The following MAPK6 variants were observed in gnomAD, a reference collection of about 807,000 sequenced individuals.
MAPK6 encodes ERK-3.
Under a neutral mutation model 59.3 loss-of-function variants are expected in MAPK6, and 19 were observed. The ratio of observed to expected loss-of-function variants is 0.32; its 90% confidence interval spans 0.22 to 0.47. The LOEUF (loss-of-function observed/expected upper bound fraction) is 0.47, where lower values mean the gene tolerates loss of function less well. Ranked by LOEUF, MAPK6 falls within the 20% of genes least tolerant of loss-of-function variation. MAPK6 has a pLI of 1.00. For missense variants in MAPK6, 724 were observed against 847.9 expected (o/e 0.85, Z 1.81); for synonymous variants, 316 against 290.3 (o/e 1.09, Z -0.90).
intron 3 of MAPK6, among the ~76,000 whole-genome samples, chr15:52,054,932 C>T (rs2031915767): frequency 6.6e-6 from 1 of 152,134 alleles, no homozygotes; most frequent in African/African-American, 2.4e-5. Context: ...GGATTACAGG[C>T]ATCTGCCACC....
chr15:51,990,182 A>G (rs879017139), intron 2 of MAPK6, among the ~76,000 whole-genome samples: 2 of 152,242 alleles, frequency 1.3e-5, no homozygotes, highest in Admixed American at 1.3e-4. Flanking sequence ...GACACCTCTG[A>G]GTCAAAGTGT....
chr15:52,011,875 A>T (rs904938504), intron 3 of MAPK6, among the ~76,000 whole-genome samples: 1 of 152,226 alleles, frequency 6.6e-6, no homozygotes, highest in African/African-American at 2.4e-5. Context: ...ATTTTAAATT[A>T]AGAGTATAAA....
At chr15:51,996,254 C>T (rs1483937791) in intron 2 of MAPK6, among the ~76,000 whole-genome samples, 1 of 152,206 alleles carries the variant, frequency 6.6e-6, no homozygotes. Context: ...GGGTCAATAC[C>T]CCCGCCAAGA....
chr15:51,975,773 C>T (rs2057155494), intron 1 of MAPK6, among the ~76,000 whole-genome samples: 1 of 151,578 alleles, frequency 6.6e-6, no homozygotes, highest in Non-Finnish European at 1.5e-5. Context: ...ACAGGCTGAT[C>T]TGAATTAAAG....
At chr15:52,043,617 C>T (rs529554189) in intron 1 of MAPK6, among the ~76,000 whole-genome samples, 1 of 150,912 alleles carries the variant, frequency 6.6e-6, no homozygotes, top group African/African-American at 2.4e-5. Flanking sequence ...ATTTTTATTA[C>T]TTATTTCCAC....
Position 52,050,557 on chromosome 15 carries a change from A to C in MAPK6, c.700+420A>C, listed in dbSNP as rs2031744598. 3.3e-5 allele frequency among the ~76,000 whole-genome samples: 5 copies of C among 152,358 alleles called. No homozygotes were observed. The South Asian group carries it at 1.0e-3, about 32-fold the overall frequency. On this transcript the variant is annotated intron_variant, in intron 3 of 5. Transcript: ENST00000261845. ...AGTTTGGTGCTATTTAGAAGTCTAA[A>C]GAAGTGTGTGAGAGAGGACTTTGTC...
chr15:51,975,139 A>C (rs2141798973), intron 1 of MAPK6, among the ~76,000 whole-genome samples: 1 of 152,066 alleles, frequency 6.6e-6, no homozygotes, highest in South Asian at 2.1e-4. Context: ...CCTCAGAATA[A>C]TATCTTTTTA....
intron 1 of MAPK6, among the ~76,000 whole-genome samples, chr15:52,035,126 A>G (rs1264103742): frequency 1.3e-5 from 2 of 152,308 alleles, no homozygotes; most frequent in South Asian, 4.1e-4. Flanking sequence ...GATTTTCCTT[A>G]TCTCTTGATT....
intron 1 of MAPK6, among the ~76,000 whole-genome samples, chr15:51,972,776 C>A (rs1240781671): frequency 2.0e-5 from 3 of 150,480 alleles, no homozygotes; most frequent in Admixed American, 6.6e-5. Context: ...GAGCCGAGAT[C>A]GCGCCACTGC....
In MAPK6 at chr15:52,058,674, A is replaced by G. The variant is rs764695453; in HGVS notation, c.742A>G (p.Ile248Val). The G allele has an allele frequency of 3.7e-6, 6 of 1,612,872 alleles. No individual in the cohort carries two copies. The highest frequency in any genetic ancestry group is 2.2e-5 in the East Asian group (1 of 44,846). Residue 248 changes from isoleucine (I) to valine (V), a missense_variant, in exon 4 of 6, where the codon ATT (isoleucine) becomes GTT (valine). This residue lies in a region of MAPK6 where 105 missense variants were observed against 191.9 expected (regional missense o/e 0.55). Coordinates refer to ENST00000261845, the MANE Select transcript of MAPK6 (RefSeq NM_002748.4). ...LEQMQLILESIPVVHEEDRQE... is the reference protein window; with the variant it reads ...LEQMQLILESVPVVHEEDRQE... ...ACAGATGCAGCTGATTTTAGAATCT[A>G]TTCCTGTTGTACATGAGGAAGATCG...
intron 4 of MAPK6, among the ~76,000 whole-genome samples, chr15:52,060,782 A>T (rs1031027574): frequency 1.3e-5 from 2 of 152,196 alleles, no homozygotes; most frequent in African/African-American, 4.8e-5. Context: ...AGTACAACAG[A>T]GATGTTTTAC....
intron 1 of MAPK6, chr15:51,971,911 G>T (rs1252117379): frequency 2.9e-6 from 2 of 691,900 alleles, no homozygotes; most frequent in Middle Eastern, 2.4e-4. Flanking sequence ...GCCTGGGTAT[G>T]CATGGTATAT....
At chr15:52,063,558 C>A (rs139955406) in intron 5 of MAPK6, among the ~76,000 whole-genome samples, 1 of 10,342 alleles carries the variant, frequency 9.7e-5, no homozygotes, top group Non-Finnish European at 4.0e-4. Context: ...ATTTAGCAAA[C>A]CTCCTCCTCT....
intron 1 of MAPK6, among the ~76,000 whole-genome samples, chr15:51,982,501 TACAC>T (rs1185866731): frequency 2.0e-5 from 3 of 152,158 alleles, no homozygotes; most frequent in Non-Finnish European, 2.9e-5. Flanking sequence ...TACACACACA[TACAC>T]ACTCACACAT....
intron 2 of MAPK6, among the ~76,000 whole-genome samples, chr15:51,990,677 G>A (rs1372531600): frequency 2.0e-5 from 3 of 152,144 alleles, no homozygotes; most frequent in South Asian, 2.1e-4. Context: ...TAGGCCAGGC[G>A]CAGTGGCTCA....
At chr15:52,008,540 A>G (rs1024165140) in intron 3 of MAPK6, among the ~76,000 whole-genome samples, 1 of 152,260 alleles carries the variant, frequency 6.6e-6, no homozygotes, top group Non-Finnish European at 1.5e-5. Flanking sequence ...ACAGGGTGGC[A>G]GGAAATAGTG....
At chr15:51,973,438 C>A (rs1200222804) in intron 1 of MAPK6, among the ~76,000 whole-genome samples, 3 of 151,816 alleles carry the variant, frequency 2.0e-5, no homozygotes, top group East Asian at 3.9e-4. Flanking sequence ...AACTCCTGGC[C>A]TCAAGAGGTC....
upstream of MAPK6, among the ~76,000 whole-genome samples, chr15:52,015,931 C>T (rs2030226025): frequency 0.01 from 1 of 100 alleles, no homozygotes; most frequent in Non-Finnish European, 0.083. Flanking sequence ...GGTGGCGCGC[C>T]CTGTAATCCC....
intron 1 of MAPK6, among the ~76,000 whole-genome samples, chr15:52,023,106 C>CAAAAAAAAAAAAAA (rs60315520): frequency 1.4e-5 from 1 of 73,662 alleles, no homozygotes; most frequent in Non-Finnish European, 2.4e-5. Flanking sequence ...GACTCCGTCT[C>CAAAAAAAAAAAAAA]AAAAAAAAAA....
Sources: allele counts gnomAD v4.1 joint callset (sites outside exome capture counted in the v4.1 genomes callset), GRCh38; gene constraint gnomAD v4.1.1; regional missense constraint gnomAD v4.1.1; transcripts MANE v1.5; gene names NCBI Gene and HGNC (gene_info 2026-07-23, HGNC 2026-07-21).